The following ENTREP1 variants were observed in gnomAD, a reference collection of about 807,000 sequenced individuals.
ENTREP1 encodes the protein Friedreich ataxia region gene X123.
the ENTREP1 span, among the ~76,000 whole-genome samples, chr9:69,346,263 G>A: frequency 1.3e-5 from 2 of 152,062 alleles, no homozygotes; most frequent in African/African-American, 4.8e-5. Flanking sequence ...GATTACAGGC[G>A]TGAGCCACTG....
the ENTREP1 span, among the ~76,000 whole-genome samples, chr9:69,330,950 T>C: frequency 8.1e-4 from 124 of 152,254 alleles, no homozygotes; most frequent in Middle Eastern, 3.4e-3. Flanking sequence ...TAATAGTTAA[T>C]CAAAGTAAAA....
the ENTREP1 span, among the ~76,000 whole-genome samples, chr9:69,373,864 A>C: frequency 2.0e-5 from 3 of 152,206 alleles, no homozygotes; most frequent in African/African-American, 7.2e-5. Flanking sequence ...AGTTCATTAT[A>C]AGTTTTGACC....
chr9:69,325,280 GCACC>G, the ENTREP1 span: 1 of 31,110 alleles, frequency 3.2e-5, no homozygotes, highest in Non-Finnish European at 3.6e-5. Context: ...GCAGCCGGCC[GCACC>G]CGGCCGCACC....
the ENTREP1 span, chr9:69,377,458 C>T: frequency 2.5e-6 from 4 of 1,613,724 alleles, no homozygotes; most frequent in Non-Finnish European, 3.4e-6. Flanking sequence ...CAGATATTCG[C>T]AACCAGGAGA....
the ENTREP1 span, chr9:69,377,219 C>T: frequency 3.0e-5 from 19 of 631,528 alleles, no homozygotes; most frequent in Middle Eastern, 3.2e-4. Context: ...GCACTTTCCA[C>T]GAGCCAAACA....
the ENTREP1 span, chr9:69,371,515 T>C: frequency 2.0e-5 from 32 of 1,613,398 alleles, no homozygotes; most frequent in Non-Finnish European, 2.6e-5. Flanking sequence ...CTCTTTGTGC[T>C]GCTCTCTGTG....
At chr9:69,333,849 G>C in the ENTREP1 span, among the ~76,000 whole-genome samples, 1 of 152,212 alleles carries the variant, frequency 6.6e-6, no homozygotes, top group Non-Finnish European at 1.5e-5. Context: ...GGATGCACAT[G>C]CACAGAGGGA....
At chr9:69,374,853 T>C in the ENTREP1 span, among the ~76,000 whole-genome samples, 6 of 152,242 alleles carry the variant, frequency 3.9e-5, no homozygotes, top group East Asian at 1.2e-3. Context: ...GAATAAGTTT[T>C]TAGAAATATT....
the ENTREP1 span, among the ~76,000 whole-genome samples, chr9:69,340,716 T>C: frequency 7.2e-5 from 10 of 139,660 alleles, no homozygotes; most frequent in African/African-American, 2.6e-4. Context: ...TATGTGTGTG[T>C]GCATGCATGT....
chr9:69,369,129 C>T, the ENTREP1 span, among the ~76,000 whole-genome samples: 3 of 152,088 alleles, frequency 2.0e-5, no homozygotes, highest in African/African-American at 7.2e-5. Flanking sequence ...TGGTTTCCAG[C>T]TTTATCCATG....
the ENTREP1 span, among the ~76,000 whole-genome samples, chr9:69,351,351 G>T: frequency 6.6e-6 from 1 of 152,038 alleles, no homozygotes; most frequent in Non-Finnish European, 1.5e-5. Context: ...TTGAATATGT[G>T]TGCCTTTCTT....
chr9:69,332,146 C>G, the ENTREP1 span, among the ~76,000 whole-genome samples: 1 of 152,196 alleles, frequency 6.6e-6, no homozygotes, highest in African/African-American at 2.4e-5. Context: ...CCATCCAGGC[C>G]TACTTCCTCT....
At chr9:69,378,804 G>A in the ENTREP1 span, among the ~76,000 whole-genome samples, 133 of 151,986 alleles carry the variant, frequency 8.8e-4, no homozygotes, top group African/African-American at 2.1e-3. Flanking sequence ...TTCAACAAAC[G>A]TGGAATCCTC....
chr9:69,347,536 A>G, the ENTREP1 span, among the ~76,000 whole-genome samples: 2 of 152,352 alleles, frequency 1.3e-5, no homozygotes, highest in African/African-American at 2.4e-5. Context: ...GCCTAGAGTA[A>G]TAAGCCTGGT....
At chr9:69,367,748 TATAA>T in the ENTREP1 span, among the ~76,000 whole-genome samples, 59 of 133,952 alleles carry the variant, frequency 4.4e-4, no homozygotes, top group African/African-American at 1.6e-3. Flanking sequence ...TATACACATA[TATAA>T]ATATATATAT....
the ENTREP1 span, chr9:69,387,552 TC>T: frequency 5.1e-6 from 1 of 194,246 alleles, no homozygotes; most frequent in African/African-American, 2.4e-5. Context: ...TCTGTTGACT[TC>T]CAGAATGATG....
chr9:69,341,134 C>T, the ENTREP1 span, among the ~76,000 whole-genome samples: 1 of 152,104 alleles, frequency 6.6e-6, no homozygotes, highest in African/African-American at 2.4e-5. Flanking sequence ...ACCCAGCTAG[C>T]TCTATGCCTG....
chr9:69,353,206 C>T, the ENTREP1 span, among the ~76,000 whole-genome samples: 17 of 152,192 alleles, frequency 1.1e-4, no homozygotes, highest in African/African-American at 3.6e-4. Context: ...GATTATTTCA[C>T]TCTCTCAGAA....
chr9:69,375,767 G>A, the ENTREP1 span: 1 of 1,613,768 alleles, frequency 6.2e-7, no homozygotes, highest in South Asian at 1.1e-5. Context: ...ATTTGCTTCT[G>A]TTGTGAAGAA....
Sources: gnomAD v4.1 joint callset for allele counts (sites outside exome capture counted in the v4.1 genomes callset) on GRCh38, gnomAD v4.1.1 for gene constraint, MANE v1.5 for transcripts, NCBI Gene and HGNC (gene_info 2026-07-23, HGNC 2026-07-21) for gene names.